Variants in SCNN1B observed in about 807,000 individuals in gnomAD.
SCNN1B encodes the protein epithelial sodium channel subunit beta.
Under a neutral mutation model 65.3 loss-of-function variants are expected in SCNN1B, and 46 were observed. The ratio of observed to expected loss-of-function variants is 0.70; its 90% CI spans 0.56 to 0.90. SCNN1B has a LOEUF of 0.90. Among genes scored for constraint, SCNN1B ranks in the 40% least tolerant of loss-of-function variants. The probability of loss-of-function intolerance (pLI) is 0.00; values close to 1 mark genes in which losing one functional copy is unlikely to be tolerated. For synonymous variants in SCNN1B, 349 were observed against 330.6 expected, an observed-to-expected ratio of 1.06 and a Z score of -0.60; for missense variants, 751 against 830.5, an observed-to-expected ratio of 0.90 and a Z score of 1.18.
rs1450865040 is a variant in SCNN1B at position 23,380,357 on chromosome 16, G to A, written c.1543-64G>A. ...CCCAAGAATCACCTCCCAGGAAGCT[G>A]TGAGGCTGGGCTAGAGGCAAGAATG... On this transcript the variant is annotated intron_variant, in intron 12 of 12. Coordinates refer to ENST00000343070, the MANE Select transcript of SCNN1B (RefSeq NM_000336.3). The surrounding 1 kb of genome is among the most constrained non-coding windows in gnomAD (Gnocchi z 5.4). 3.0e-5 allele frequency: 48 copies of A among 1,612,232 alleles called. No homozygotes were observed. Among genetic ancestry groups the A allele is most frequent in the Non-Finnish European group, 3.8e-5 (45 of 1,179,420 alleles).
Position 23,348,069 on chromosome 16 carries a change from A to ACTCACT in SCNN1B, c.-8-522_-8-521insTCACTC, listed in dbSNP as rs1279834794. Among the ~76,000 whole-genome samples, 3 of 152,196 alleles carry ACTCACT rather than the reference A, an allele frequency of 2.0e-5. No individual in the cohort carries two copies. Among genetic ancestry groups the ACTCACT allele is most frequent in the African/African-American group, 4.8e-5 (2 of 41,456 alleles). ...ACACATTCCATTGCAGAGCACTCAC[A>ACTCACT]CACAGTCACACTCACTCACCTGGGA... On this transcript the variant is annotated intron_variant, in intron 1 of 12. Transcript: ENST00000343070. This position sits in a 1 kb window ranked among gnomAD's most constrained non-coding sequence, Gnocchi z 4.5.
At chr16:23,320,042 C>A (rs539668702) in intron 1 of SCNN1B, among the ~76,000 whole-genome samples, 1 of 152,140 alleles carries the variant, frequency 6.6e-6, no homozygotes, top group East Asian at 1.9e-4. Context: ...CCACCTTGCC[C>A]GGCCACGTCT....
chr16:23,298,575 C>T (rs1004639516), upstream of SCNN1B, among the ~76,000 whole-genome samples: 11 of 152,182 alleles, frequency 7.2e-5, no homozygotes, highest in East Asian at 1.9e-4. Context: ...GTGCCTCTTC[C>T]GTGTTTGGCC....
intron 3 of SCNN1B, among the ~76,000 whole-genome samples, chr16:23,354,448 C>T (rs946032986): frequency 3.3e-5 from 5 of 152,240 alleles, no homozygotes; most frequent in Admixed American, 6.5e-5. Context: ...GCAGCAGCCT[C>T]GTGGCCAAGG....
chr16:23,337,622 C>G lies in SCNN1B; in HGVS notation c.-8-10970C>G, dbSNP rs539055532. Among the ~76,000 whole-genome samples, 295 of 152,174 alleles carry G rather than the reference C, an allele frequency of 1.9e-3. 3 individuals are homozygous for G. Among genetic ancestry groups the G allele is most frequent in the Non-Finnish European group, 2.5e-3 (173 of 68,010 alleles). ...CGAATTCCTGACCTCAGGTGATCCA[C>G]TCACCTCGGCCTCCCAAAGTGCTGT... is the stretch of plus-strand genomic sequence containing the variant. On this transcript the variant is annotated intron_variant, in intron 1 of 12. Transcript: ENST00000343070.
At chr16:23,311,939 C>CCAA (rs1961352385) in intron 1 of SCNN1B, among the ~76,000 whole-genome samples, 2 of 152,094 alleles carry the variant, frequency 1.3e-5, no homozygotes, top group Non-Finnish European at 2.9e-5. Flanking sequence ...CCTCCAGCAC[C>CCAA]CAACACCCAC....
Position 23,380,794 on chromosome 16 carries a change from C to A in SCNN1B, c.1916C>A (p.Ala639Asp). 1 of 1,612,110 alleles carries A rather than the reference C, an allele frequency of 6.2e-7. No homozygotes were observed. Among genetic ancestry groups the A allele is most frequent in the Non-Finnish European group, 8.5e-7 (1 of 1,179,964 alleles). ...DVIESDSEGD[A>D]I ...ATCGAGTCTGACAGTGAGGGTGATGCCATCTAACCCTGCCCCTGCCCACCC... is the reference window on the plus strand; with the variant it reads ...ATCGAGTCTGACAGTGAGGGTGATGACATCTAACCCTGCCCCTGCCCACCC... The change falls in exon 13 of 13, where the codon GCC becomes GAC. Residue 639 changes from alanine to aspartate, a missense_variant. Transcript: ENST00000343070. The surrounding 1 kb of genome is among the most constrained non-coding windows in gnomAD (Gnocchi z 5.4).
chr16:23,307,542 A>G (rs1839889527), intron 1 of SCNN1B, among the ~76,000 whole-genome samples: 1 of 151,532 alleles, frequency 6.6e-6, no homozygotes, highest in Non-Finnish European at 1.5e-5. Context: ...CTGGTCTCGA[A>G]CTCCTGACCT....
At chr16:23,371,693 C>T (rs1053915055) in intron 6 of SCNN1B, 83 bp from the exon 7 acceptor site, 3 of 1,246,384 alleles carry the variant, frequency 2.4e-6, no homozygotes, top group Admixed American at 1.7e-5. Flanking sequence ...GCCCTCTGTC[C>T]CCAAATGCTT....
At position 23,380,016 on chromosome 16, in the gene SCNN1B, G is replaced by A; in HGVS notation, c.1467-78G>A. 9.4e-7 allele frequency: 1 copy of A among 1,060,368 alleles called. No individual in the cohort carries two copies. Among genetic ancestry groups the A allele is most frequent in the Non-Finnish European group, 1.5e-6 (1 of 675,022 alleles). 65.7% of individuals were successfully genotyped at this position (1,060,368 alleles called of 1,614,324 possible). On this transcript the variant is annotated intron_variant, in intron 11 of 12. Coordinates refer to ENST00000343070, the MANE Select transcript of SCNN1B (RefSeq NM_000336.3). The surrounding 1 kb of genome is among the most constrained non-coding windows in gnomAD (Gnocchi z 5.4). ...TGTGCACGTGCATGTGTGTGCATGT[G>A]TCTATGTGCGTGTGTGTGTGTCTGT...
chr16:23,319,701 T>G (rs1961547841), intron 1 of SCNN1B, among the ~76,000 whole-genome samples: 1 of 152,188 alleles, frequency 6.6e-6, no homozygotes, highest in South Asian at 2.1e-4. Flanking sequence ...GTTTGCTGAC[T>G]CTTGCTCTAG....
intron 1 of SCNN1B, among the ~76,000 whole-genome samples, chr16:23,332,930 C>T (rs1012894222): frequency 1.1e-4 from 16 of 152,028 alleles, no homozygotes; most frequent in Admixed American, 8.5e-4. Context: ...CTTAGCTGGA[C>T]GCGGCGGCAG....
chr16:23,318,477 C>T (rs535899670), intron 1 of SCNN1B, among the ~76,000 whole-genome samples: 18 of 152,172 alleles, frequency 1.2e-4, no homozygotes, highest in African/African-American at 3.4e-4. Flanking sequence ...GACGTGGTGG[C>T]GGACGCCTGT....
intron 4 of SCNN1B, among the ~76,000 whole-genome samples, chr16:23,362,943 G>A (rs1025952280): frequency 5.3e-5 from 8 of 152,122 alleles, no homozygotes; most frequent in Admixed American, 5.2e-4. Context: ...TCTTCCCTCT[G>A]GGGCTTTGCC....
intron 1 of SCNN1B, among the ~76,000 whole-genome samples, chr16:23,315,167 G>A (rs927548831): frequency 1.1e-4 from 17 of 151,978 alleles, no homozygotes; most frequent in African/African-American, 2.9e-4. Flanking sequence ...AGAAATCCCC[G>A]TTTCTACTAA....
intron 1 of SCNN1B, among the ~76,000 whole-genome samples, chr16:23,332,181 A>T (rs996480422): frequency 4.0e-5 from 6 of 150,200 alleles, no homozygotes; most frequent in Non-Finnish European, 8.9e-5. Context: ...GGCACATGCC[A>T]TCATGCCCAG....
chr16:23,313,887 G>C (rs1392662464), intron 1 of SCNN1B, among the ~76,000 whole-genome samples: 1 of 152,214 alleles, frequency 6.6e-6, no homozygotes, highest in Non-Finnish European at 1.5e-5. Flanking sequence ...TGGGATTACA[G>C]ACATGAGCCA....
chr16:23,365,559 G>A (rs1229635442), intron 4 of SCNN1B, among the ~76,000 whole-genome samples: 2 of 52,912 alleles, frequency 3.8e-5, no homozygotes, highest in East Asian at 7.5e-4. Flanking sequence ...GAAGGAAAGA[G>A]AAAGAAAGAA....
intron 4 of SCNN1B, chr16:23,358,145 A>T (rs1172654206): frequency 6.6e-6 from 1 of 152,240 alleles, no homozygotes; most frequent in African/African-American, 2.4e-5. Flanking sequence ...TGGGCTGGGT[A>T]TAGCTGGCCT....
Sources: gnomAD v4.1 joint callset for allele counts (sites outside exome capture counted in the v4.1 genomes callset) on GRCh38, gnomAD v4.1.1 for gene constraint, Gnocchi (gnomAD v3.1) non-coding constraint, MANE v1.5 for transcripts, NCBI Gene and HGNC (gene_info 2026-07-23, HGNC 2026-07-21) for gene names.